The following ACSM2B variants were observed in gnomAD, a reference collection of about 807,000 sequenced individuals.
ACSM2B encodes acyl-CoA synthetase medium chain family member 2B, also known as acyl-coenzyme A synthetase ACSM2B, mitochondrial.
ACSM2B carries 58 observed loss-of-function variants against 78.6 expected under a neutral mutation model. That is an observed-to-expected ratio of 0.74 (90% CI 0.60 to 0.92). The LOEUF (loss-of-function observed/expected upper bound fraction) is 0.92, where lower values mean the gene tolerates loss of function less well. ACSM2B is among the 40% of genes least tolerant of loss of function. ACSM2B has a pLI of 0.00. For missense variants in ACSM2B, 688 were observed against 711.2 expected (o/e 0.97, Z 0.37); for synonymous variants, 257 against 256.8 (o/e 1.00, Z -0.01).
At position 20,537,240 on chromosome 16, in the gene ACSM2B, G is replaced by A; in HGVS notation, c.*18C>T. Reference sequence around the variant, plus strand: ...AGAGAAAGAAGAGGGGAATCCAAATGAATGTCTCCTAGACGCCTCACTGCG... The same window carrying A: ...AGAGAAAGAAGAGGGGAATCCAAATAAATGTCTCCTAGACGCCTCACTGCG... On this transcript the variant is annotated 3_prime_UTR_variant, in exon 14 of 14. Coordinates refer to ENST00000329697, the MANE Select transcript of ACSM2B (RefSeq NM_001105069.2). The A allele has an allele frequency of 5.0e-6, 8 of 1,612,956 alleles. No homozygotes were observed. Among genetic ancestry groups the A allele is most frequent in the Non-Finnish European group, 6.8e-6 (8 of 1,178,944 alleles).
chr16:20,540,019 G>A (rs1417478725), intron 13 of ACSM2B, among the ~76,000 whole-genome samples: 3 of 152,162 alleles, frequency 2.0e-5, no homozygotes, highest in East Asian at 1.9e-4. Flanking sequence ...GCAACTGAGC[G>A]TTGCACAACC....
At chr16:20,567,116 T>C (rs566470820) in intron 1 of ACSM2B, among the ~76,000 whole-genome samples, 2 of 135,526 alleles carry the variant, frequency 1.5e-5, no homozygotes, top group African/African-American at 5.4e-5. Context: ...TATATAATAG[T>C]ATAGTATATA....
At position 20,538,688 on chromosome 16, in the gene ACSM2B, T is replaced by C. The variant is rs577035443; in HGVS notation, c.1630-1326A>G. ...GAGTAAGACACTGCACACTGTGTGA[T>C]AGGACTCCTTGACTCAGCATTCTAC... On this transcript the variant is annotated intron_variant, in intron 13 of 13. Coordinates refer to ENST00000329697, the MANE Select transcript of ACSM2B (RefSeq NM_001105069.2). Among the ~76,000 whole-genome samples the C allele has an allele frequency of 2.3e-4, 35 of 152,260 alleles. No individual in the cohort carries two copies. The South Asian group carries it at 5.2e-3, about 23-fold the overall frequency.
At chr16:20,556,278 T>A (rs1486175697) in intron 3 of ACSM2B, among the ~76,000 whole-genome samples, 1 of 152,194 alleles carries the variant, frequency 6.6e-6, no homozygotes, top group African/African-American at 2.4e-5. Flanking sequence ...TTAATGAGAC[T>A]CCTTTGATTT....
At chr16:20,552,955 C>T (rs1487240750) in intron 5 of ACSM2B, among the ~76,000 whole-genome samples, 1 of 152,124 alleles carries the variant, frequency 6.6e-6, no homozygotes, top group African/African-American at 2.4e-5. Flanking sequence ...CTAAGTCTCA[C>T]TTTATATCTG....
chr16:20,545,457 C>T (rs2015109575), intron 9 of ACSM2B, among the ~76,000 whole-genome samples, 199 bp from the exon 10 acceptor site: 1 of 152,096 alleles, frequency 6.6e-6, no homozygotes, highest in African/African-American at 2.4e-5. Context: ...TAGGTGAATC[C>T]TTTTATTGAG....
At chr16:20,550,394 A>G (rs2015274138) in intron 6 of ACSM2B, among the ~76,000 whole-genome samples, 1 of 152,004 alleles carries the variant, frequency 6.6e-6, no homozygotes, top group Non-Finnish European at 1.5e-5. Context: ...CTACATACTC[A>G]TTTGCTATAT....
intron 3 of ACSM2B, 113 bp from the exon 4 acceptor site, chr16:20,555,589 A>T: frequency 6.5e-7 from 1 of 1,529,778 alleles, no homozygotes; most frequent in Non-Finnish European, 8.8e-7. Flanking sequence ...ATGGGGAAGT[A>T]ATGACCAATG....
At chr16:20,558,850 A>G (rs1475886573) in intron 3 of ACSM2B, among the ~76,000 whole-genome samples, 16 of 152,228 alleles carry the variant, frequency 1.1e-4, no homozygotes, top group African/African-American at 3.9e-4. Context: ...ATAAAACTTT[A>G]TTTACAAAAA....
chr16:20,538,623 G>A (rs1410603893), intron 13 of ACSM2B, among the ~76,000 whole-genome samples: 1 of 152,160 alleles, frequency 6.6e-6, no homozygotes, highest in Non-Finnish European at 1.5e-5. Context: ...GAATTCTAGA[G>A]GAGAGACTTG....
At chr16:20,568,465 G>C (rs1458427712) in intron 1 of ACSM2B, among the ~76,000 whole-genome samples, 1 of 149,072 alleles carries the variant, frequency 6.7e-6, no homozygotes, top group Non-Finnish European at 1.5e-5. Flanking sequence ...TTCTTTACTT[G>C]ATGATTGACA....
intron 1 of ACSM2B, among the ~76,000 whole-genome samples, chr16:20,568,909 T>G (rs1222834461): frequency 6.6e-6 from 1 of 151,776 alleles, no homozygotes; most frequent in African/African-American, 2.4e-5. Flanking sequence ...TGGGATTTTT[T>G]GGGCTTTTTT....
chr16:20,562,953 A>C (rs2015708072), intron 2 of ACSM2B, among the ~76,000 whole-genome samples: 2 of 152,166 alleles, frequency 1.3e-5, no homozygotes, highest in African/African-American at 2.4e-5. Context: ...CCTCACCCAG[A>C]AACAAACTCA....
At chr16:20,567,619 G>A (rs1164903475) in intron 1 of ACSM2B, among the ~76,000 whole-genome samples, 81 of 130,282 alleles carry the variant, frequency 6.2e-4, no homozygotes, top group African/African-American at 2.1e-3. Context: ...ATAATATATA[G>A]TATATTATAT....
At chr16:20,547,712 C>A (rs1303535031) in intron 8 of ACSM2B, 2 of 1,092,086 alleles carry the variant, frequency 1.8e-6, no homozygotes, top group East Asian at 1.4e-4. Flanking sequence ...AATGTTTCCC[C>A]ATCACAGAGG....
In ACSM2B at chr16:20,540,672, T is replaced by A. The variant is rs760810563; in HGVS notation, c.1611A>T (p.Pro537=). The change falls in exon 13 of 14, where the codon CCA becomes CCT. Residue 537 remains proline (P), a synonymous_variant. Coordinates refer to ENST00000329697, the MANE Select transcript of ACSM2B (RefSeq NM_001105069.2). ...GCCTTACCTTTCTTGGGTACTTGTA[T>A]GGGGCTGTCACTGACTTCACATGCT... ...LQQHVKSVTA[P]YKYPRKIEFV... is the part of the protein sequence containing the mutation. The A allele has an allele frequency of 6.2e-7, 1 of 1,614,066 alleles. No homozygotes were observed. The highest frequency in any genetic ancestry group is 8.5e-7 in the Non-Finnish European group (1 of 1,179,974).
Position 20,555,380 on chromosome 16 carries a change from T to G in ACSM2B, c.485A>C (p.Glu162Ala). ...SKAKAIVAGD[E>A]VIQEVDTVAS... ...CACTGTGTCCACTTCTTGGATGACTTCATCCCCAGCAACAATAGCCTTGGC... is the reference window on the plus strand; with the variant it reads ...CACTGTGTCCACTTCTTGGATGACTGCATCCCCAGCAACAATAGCCTTGGC... The change falls in exon 4 of 14, where the codon GAA becomes GCA. Residue 162 changes from glutamate (E) to alanine (A), a missense_variant. Glu to Ala is a moderately radical substitution (Grantham distance 107). Coordinates refer to ENST00000329697, the MANE Select transcript of ACSM2B (RefSeq NM_001105069.2). The G allele has an allele frequency of 6.2e-7, 1 of 1,613,968 alleles. No homozygotes were observed. The highest frequency in any genetic ancestry group is 8.5e-7 in the Non-Finnish European group (1 of 1,179,858).
At chr16:20,537,580 G>A (rs1166345611) in intron 13 of ACSM2B, among the ~76,000 whole-genome samples, 1 of 152,166 alleles carries the variant, frequency 6.6e-6, no homozygotes, top group Non-Finnish European at 1.5e-5. Context: ...TTCAGACAGA[G>A]GAGGAGCAGC....
intron 1 of ACSM2B, among the ~76,000 whole-genome samples, chr16:20,566,696 T>C (rs1210993000): frequency 2.5e-4 from 1 of 4,072 alleles, no homozygotes; most frequent in African/African-American, 5.9e-4. Context: ...ATACTATATA[T>C]AGTATATATA....
Sources: gnomAD v4.1 joint callset for allele counts (sites outside exome capture counted in the v4.1 genomes callset) on GRCh38, gnomAD v4.1.1 for gene constraint, MANE v1.5 for transcripts, NCBI Gene and HGNC (gene_info 2026-07-23, HGNC 2026-07-21) for gene names.